The following AASS variants were observed in gnomAD, a reference collection of about 807,000 sequenced individuals.
The protein encoded by AASS is alpha-aminoadipic semialdehyde synthase, mitochondrial.
AASS carries 86 observed loss-of-function variants against 105.4 expected under a neutral mutation model. The ratio of observed to expected loss-of-function variants is 0.82; its 90% confidence interval spans 0.69 to 0.98. The LOEUF is 0.98. Among genes scored for constraint, AASS ranks in the 50% least tolerant of loss-of-function variants. The pLI is 0.00. For missense variants in AASS, 1,048 were observed against 1,143.2 expected, an observed-to-expected ratio of 0.92 and a Z score of 1.20; for synonymous variants, 381 against 394.8, an observed-to-expected ratio of 0.96 and a Z score of 0.41.
Position 122,074,593 on chromosome 7 carries a change from T to C in AASS, c.*1896A>G, listed in dbSNP as rs1411756023. Among the ~76,000 whole-genome samples, 2 of 152,208 alleles carry C rather than the reference T, an allele frequency of 1.3e-5. No homozygotes were observed. The highest frequency in any genetic ancestry group is 3.9e-4 in the East Asian group (2 of 5,184). The stretch of plus-strand genomic sequence containing the variant: ...ATTTACGCCATGTTTTCTTTGAAGA[T>C]ACTTACAATATTAGCTCTTACATTT... On this transcript the variant is annotated 3_prime_UTR_variant, in exon 24 of 24. Coordinates refer to ENST00000417368, the MANE Select transcript of AASS (RefSeq NM_005763.4).
chr7:122,099,382 CA>C (rs751353626), intron 13 of AASS, among the ~76,000 whole-genome samples: 4 of 151,842 alleles, frequency 2.6e-5, no homozygotes, highest in Admixed American at 6.6e-5. Context: ...TTGAAAATAG[CA>C]AAACCATGAC....
Position 122,074,293 on chromosome 7 carries a change from T to C in AASS, c.*2196A>G, listed in dbSNP as rs1323754292. Reference sequence around the variant, plus strand: ...TGTATCTTCTTTGGAGAACTGTTAATTCAGATCTCTTGTTGATTTTTAAAA... The same window carrying C: ...TGTATCTTCTTTGGAGAACTGTTAACTCAGATCTCTTGTTGATTTTTAAAA... On this transcript the variant is annotated 3_prime_UTR_variant, in exon 24 of 24. Transcript: ENST00000417368. Among the ~76,000 whole-genome samples the C allele has an allele frequency of 9.9e-5, 15 of 152,190 alleles. No individual in the cohort carries two copies. Among genetic ancestry groups the C allele is most frequent in the Non-Finnish European group, 2.2e-4 (15 of 68,028 alleles).
intron 18 of AASS, among the ~76,000 whole-genome samples, chr7:122,087,491 A>AG (rs1793685239): frequency 6.6e-6 from 1 of 152,144 alleles, no homozygotes; most frequent in African/African-American, 2.4e-5. Context: ...ACATTTCCAA[A>AG]GGGGGGATGA....
intron 9 of AASS, among the ~76,000 whole-genome samples, 175 bp from the exon 10 acceptor site, chr7:122,113,895 G>C (rs1045958375): frequency 1.6e-5 from 2 of 122,338 alleles, no homozygotes; most frequent in African/African-American, 3.2e-5. Context: ...GTGATACAGA[G>C]AATCTTCCCA....
intron 1 of AASS, among the ~76,000 whole-genome samples, chr7:122,138,864 C>T (rs1796266554): frequency 1.3e-5 from 2 of 152,084 alleles, no homozygotes; most frequent in Non-Finnish European, 2.9e-5. Flanking sequence ...CAGAGCTCGG[C>T]ACTCCATACA....
chr7:122,089,837 C>T (rs563144087), intron 18 of AASS, among the ~76,000 whole-genome samples: 77 of 152,272 alleles, frequency 5.1e-4, no homozygotes, highest in African/African-American at 1.4e-3. Flanking sequence ...CCATCTTTAG[C>T]ATTTATAAGG....
At chr7:122,137,140 C>G (rs1796181313) in intron 1 of AASS, among the ~76,000 whole-genome samples, 1 of 152,202 alleles carries the variant, frequency 6.6e-6, no homozygotes, top group Admixed American at 6.5e-5. Flanking sequence ...ATTGATTAAG[C>G]ATCACATGCC....
intron 11 of AASS, among the ~76,000 whole-genome samples, chr7:122,105,782 A>G (rs1794640367): frequency 6.6e-6 from 1 of 152,104 alleles, no homozygotes; most frequent in Non-Finnish European, 1.5e-5. Context: ...AAAAAAGAAC[A>G]AAGATCTCAG....
Position 122,074,418 on chromosome 7 carries a change from C to A in AASS, c.*2071G>T, listed in dbSNP as rs1792907657. 6.6e-6 allele frequency among the ~76,000 whole-genome samples: 1 copy of A among 152,120 alleles called. No individual in the cohort carries two copies. The highest frequency in any genetic ancestry group is 2.4e-5 in the African/African-American group (1 of 41,434). On this transcript the variant is annotated 3_prime_UTR_variant, in exon 24 of 24. Transcript: ENST00000417368. Reference sequence around the variant, plus strand: ...AATACATGATTTTAAAAAAAATTATCTCATTCTGTGGGTTGTATTTTTGCT... The same window carrying A: ...AATACATGATTTTAAAAAAAATTATATCATTCTGTGGGTTGTATTTTTGCT...
intron 20 of AASS, 44 bp downstream of exon 20, chr7:122,081,456 A>G: frequency 7.1e-7 from 1 of 1,413,782 alleles, no homozygotes; most frequent in Non-Finnish European, 1.0e-6. Context: ...TTCAGAAGGT[A>G]TTTCTGAAAA....
chr7:122,101,913 A>G (rs1283057838), intron 11 of AASS, among the ~76,000 whole-genome samples: 1 of 151,984 alleles, frequency 6.6e-6, no homozygotes, highest in African/African-American at 2.4e-5. Context: ...AAATTGGATT[A>G]TAATCATCTT....
At chr7:122,143,272 G>A (rs1332080034) in intron 1 of AASS, among the ~76,000 whole-genome samples, 3 of 152,126 alleles carry the variant, frequency 2.0e-5, no homozygotes, top group African/African-American at 4.8e-5. Flanking sequence ...ATCAAAAAAT[G>A]TTAATCCTTG....
intron 1 of AASS, 60 bp from the exon 2 acceptor site, chr7:122,133,801 T>C: frequency 2.1e-6 from 3 of 1,430,236 alleles, no homozygotes; most frequent in Admixed American, 1.7e-5. Flanking sequence ...AGATCAGTTC[T>C]GGTCTCCTGA....
intron 3 of AASS, among the ~76,000 whole-genome samples, 181 bp from the exon 4 acceptor site, chr7:122,126,640 G>T (rs113232864): frequency 6.6e-6 from 1 of 152,072 alleles, no homozygotes; most frequent in African/African-American, 2.4e-5. Context: ...GCAAACCAAT[G>T]GTAGGCTTGT....
At chr7:122,121,707 G>A (rs1795447347) in intron 4 of AASS, among the ~76,000 whole-genome samples, 1 of 152,046 alleles carries the variant, frequency 6.6e-6, no homozygotes, top group Non-Finnish European at 1.5e-5. Context: ...AAGATATGAT[G>A]TTTTTTATGT....
At chr7:122,101,534 G>A in intron 12 of AASS, 87 bp downstream of exon 12, 1 of 1,474,200 alleles carries the variant, frequency 6.8e-7, no homozygotes, top group South Asian at 1.1e-5. Context: ...GAATGACAAA[G>A]ATGGAGAGAG....
rs965353387 is a variant in AASS, at chr7:122,092,581, G to A, written c.1875+262C>T. On this transcript the variant is annotated intron_variant, in intron 17 of 23. Coordinates refer to ENST00000417368, the MANE Select transcript of AASS (RefSeq NM_005763.4). ...CTCTACTAAAAATACAAAATTAGCC[G>A]GGCATGGTGGTGCGTGCCTGTAATC... is the stretch of plus-strand genomic sequence containing the variant. Among the ~76,000 whole-genome samples the A allele has an allele frequency of 6.6e-5, 10 of 151,934 alleles. No individual in the cohort carries two copies. The South Asian group carries it at 1.5e-3, about 22-fold the overall frequency.
rs1193675553 is a variant in AASS at position 122,109,982 on chromosome 7, A to C, written c.1278+3136T>G. ...AAAACAAGAGATAATACAATCAAAA[A>C]TGGGCTGTACTCAAAGTAAATCTAA... On this transcript the variant is annotated intron_variant, in intron 11 of 23. Transcript: ENST00000417368. 5.9e-5 allele frequency among the ~76,000 whole-genome samples: 9 copies of C among 152,140 alleles called. No homozygotes were observed. In the East Asian group the frequency reaches 1.7e-3, roughly 29 times the overall value.
chr7:122,129,123 C>T (rs972420804), intron 3 of AASS, among the ~76,000 whole-genome samples: 1 of 151,898 alleles, frequency 6.6e-6, no homozygotes, highest in Non-Finnish European at 1.5e-5. Context: ...TTATATGATC[C>T]CTGAGGTTAT....
Sources: gnomAD v4.1 joint callset for allele counts (sites outside exome capture counted in the v4.1 genomes callset) on GRCh38, gnomAD v4.1.1 for gene constraint, MANE v1.5 for transcripts, NCBI Gene and HGNC (gene_info 2026-07-23, HGNC 2026-07-21) for gene names.